The following RASD2 variants were observed in gnomAD, a reference collection of about 807,000 sequenced individuals.
The protein encoded by RASD2 is GTP-binding protein Rhes.
In RASD2, 7 loss-of-function variants were observed where a neutral mutation model predicts 15.8. The ratio of observed to expected loss-of-function variants is 0.44; its 90% CI spans 0.25 to 0.83. The LOEUF (loss-of-function observed/expected upper bound fraction) is 0.83, where lower values mean the gene tolerates loss of function less well. Among genes scored for constraint, RASD2 ranks in the 40% least tolerant of loss-of-function variants. RASD2 has a pLI of 0.20. For synonymous variants in RASD2, 155 were observed against 153.6 expected (o/e 1.01, Z -0.07); for missense variants, 274 against 382.8 (o/e 0.72, Z 2.37).
At chr22:35,534,092 C>G in the RASD2 span, among the ~76,000 whole-genome samples, 1 of 152,176 alleles carries the variant, frequency 6.6e-6, no homozygotes, top group Non-Finnish European at 1.5e-5. Context: ...AAAAAAAGAT[C>G]AAAGGATAGT....
chr22:35,549,265 T>G (rs1934597127), intron 2 of RASD2, among the ~76,000 whole-genome samples: 1 of 152,200 alleles, frequency 6.6e-6, no homozygotes, highest in African/African-American at 2.4e-5. Context: ...AGTATTTTTG[T>G]CTGTCTCTTT....
chr22:35,548,802 C>G (rs190498200), intron 2 of RASD2, among the ~76,000 whole-genome samples: 1 of 152,308 alleles, frequency 6.6e-6, no homozygotes, highest in Non-Finnish European at 1.5e-5. Context: ...AATGTGTGAC[C>G]AGAGGCACAT....
chr22:35,542,059 G>A (rs1934363904), intron 1 of RASD2, among the ~76,000 whole-genome samples: 1 of 152,200 alleles, frequency 6.6e-6, no homozygotes, highest in Non-Finnish European at 1.5e-5. Context: ...GGAGGGCCCG[G>A]AAGGCAGCTC....
chr22:35,548,848 A>C (rs1381020416), intron 2 of RASD2, among the ~76,000 whole-genome samples: 1 of 152,024 alleles, frequency 6.6e-6, no homozygotes, highest in African/African-American at 2.4e-5. Context: ...CCAGCCACAC[A>C]GTGGGCTTAA....
upstream of RASD2, among the ~76,000 whole-genome samples, chr22:35,538,578 G>T (rs149110012): frequency 2.0e-5 from 3 of 152,196 alleles, no homozygotes; most frequent in African/African-American, 7.2e-5. Flanking sequence ...TACCAGGAGT[G>T]GGGGAGGGCA....
In RASD2 at chr22:35,551,184, T is replaced by TG. The variant is rs1934654779; in HGVS notation, c.272-318dup. On this transcript the variant is annotated intron_variant, in intron 2 of 2. Transcript: ENST00000216127. This position sits in a 1 kb window ranked among gnomAD's most constrained non-coding sequence, Gnocchi z 4.9. ...ATTATCTGAACACAGTCCACACAAG[T>TG]GACCTACCCCTCTCCAGCCCTGCAA... Among the ~76,000 whole-genome samples, 1 of 152,178 alleles carries TG rather than the reference T, an allele frequency of 6.6e-6. No homozygotes were observed. The highest frequency in any genetic ancestry group is 1.9e-4 in the East Asian group (1 of 5,192).
upstream of RASD2, among the ~76,000 whole-genome samples, chr22:35,536,065 G>C (rs1178695414): frequency 6.6e-6 from 1 of 152,210 alleles, no homozygotes; most frequent in African/African-American, 2.4e-5. Context: ...GTGAGGCCTT[G>C]AATGCCAGAT....
chr22:35,544,534 A>C (rs141844650), intron 1 of RASD2, among the ~76,000 whole-genome samples: 195 of 152,330 alleles, frequency 1.3e-3, no homozygotes, highest in African/African-American at 4.3e-3. Flanking sequence ...GCCCTTTGCC[A>C]TTTGATGAAT....
rs1422472532 is a variant in RASD2, at chr22:35,552,340, G to A, written c.*308G>A. ...TCCTGGGGTTGGAAGAAATGTTGAT[G>A]CCAGAGGGGTGAGGATTGCTGCGTC... On this transcript the variant is annotated 3_prime_UTR_variant, in exon 3 of 3. Coordinates refer to ENST00000216127, the MANE Select transcript of RASD2 (RefSeq NM_014310.4). 4 of 427,004 alleles carry A rather than the reference G, an allele frequency of 9.4e-6. No homozygotes were observed. The highest frequency in any genetic ancestry group is 5.9e-5 in the African/African-American group (3 of 50,552). The allele number at this position is 427,004 out of a possible 1,614,324, so 26.5% of individuals were successfully genotyped here. A position where few individuals can be genotyped will look rare whatever the true frequency, so the allele number is the denominator to read the frequency against.
At chr22:35,538,060 C>T (rs1039246900), upstream of RASD2, among the ~76,000 whole-genome samples, 2 of 151,840 alleles carry the variant, frequency 1.3e-5, no homozygotes, top group Non-Finnish European at 2.9e-5. Context: ...ATTCTCATGT[C>T]CCAGCCTCCC....
At chr22:35,545,516 C>T (rs762531272) in intron 1 of RASD2, among the ~76,000 whole-genome samples, 1 of 152,208 alleles carries the variant, frequency 6.6e-6, no homozygotes, top group Non-Finnish European at 1.5e-5. Context: ...GCGCCTTGTG[C>T]AGTATCCAAC....
chr22:35,552,170 C>T lies in RASD2; in HGVS notation c.*138C>T. On this transcript the variant is annotated 3_prime_UTR_variant, in exon 3 of 3. Transcript: ENST00000216127. Reference sequence around the variant, plus strand: ...AGGCACCAGACTGGAGGCCCCCGGGCGCTGGCCTCCGCACATTCGTCTGCC... The same window carrying T: ...AGGCACCAGACTGGAGGCCCCCGGGTGCTGGCCTCCGCACATTCGTCTGCC... 2 of 1,091,692 alleles carry T rather than the reference C, an allele frequency of 1.8e-6. No homozygotes were observed. The highest frequency in any genetic ancestry group is 2.6e-6 in the Non-Finnish European group (2 of 784,088). 67.6% of individuals were successfully genotyped at this position (1,091,692 alleles called of 1,614,324 possible). A position where few individuals can be genotyped will look rare whatever the true frequency, so the allele number is the denominator to read the frequency against.
At chr22:35,547,902 C>T (rs1934555004) in intron 2 of RASD2, among the ~76,000 whole-genome samples, 1 of 152,256 alleles carries the variant, frequency 6.6e-6, no homozygotes, top group Non-Finnish European at 1.5e-5. Flanking sequence ...GCGTCAGCCA[C>T]CGCGGCCAGC....
chr22:35,546,766 G>A (rs112125613), intron 1 of RASD2, 35 bp from the exon 2 acceptor site: 2 of 1,598,086 alleles, frequency 1.3e-6, no homozygotes, highest in East Asian at 4.5e-5. Flanking sequence ...CAGGTCGGGG[G>A]GGCCCTGATG....
intron 1 of RASD2, among the ~76,000 whole-genome samples, chr22:35,545,320 T>C (rs1934468646): frequency 6.6e-6 from 1 of 152,130 alleles, no homozygotes; most frequent in South Asian, 2.1e-4. Flanking sequence ...GAAAGCGCCT[T>C]GGGTCAATGG....
chr22:35,544,898 C>T lies in RASD2; in HGVS notation c.-9-1903C>T, dbSNP rs113205786. Among the ~76,000 whole-genome samples the T allele has an allele frequency of 2.0e-4, 30 of 152,324 alleles. No homozygotes were observed. In the East Asian group the frequency reaches 5.0e-3, roughly 25 times the overall value. ...ACATGTGTGCAGCACTTAGAACACT[C>T]TGGCATATTTTAGCTGCAAAATGAA... On this transcript the variant is annotated intron_variant, in intron 1 of 2. Coordinates refer to ENST00000216127, the MANE Select transcript of RASD2 (RefSeq NM_014310.4).
chr22:35,547,142 G>C, intron 2 of RASD2, 62 bp downstream of exon 2: 2 of 1,525,302 alleles, frequency 1.3e-6, no homozygotes, highest in Non-Finnish European at 8.9e-7. Context: ...GGAGTGTGCT[G>C]GGCACTTGGC....
intron 2 of RASD2, among the ~76,000 whole-genome samples, chr22:35,548,937 T>C (rs1446388886): frequency 2.6e-5 from 4 of 152,106 alleles, no homozygotes; most frequent in Non-Finnish European, 5.9e-5. Flanking sequence ...GGGTATTGCA[T>C]TGGTGTCAGC....
intron 2 of RASD2, among the ~76,000 whole-genome samples, chr22:35,547,887 T>C (rs750942926): frequency 6.6e-6 from 1 of 152,252 alleles, no homozygotes; most frequent in African/African-American, 2.4e-5. Flanking sequence ...GTGCTGAGAT[T>C]ACAGGCGTCA....
Sources: gnomAD v4.1 joint callset for allele counts (sites outside exome capture counted in the v4.1 genomes callset) on GRCh38, gnomAD v4.1.1 for gene constraint, Gnocchi (gnomAD v3.1) non-coding constraint, MANE v1.5 for transcripts, NCBI Gene and HGNC (gene_info 2026-07-23, HGNC 2026-07-21) for gene names.